Variants in ALG11 observed in about 807,000 individuals in gnomAD.
The protein encoded by ALG11 is GDP-Man:Man(3)GlcNAc(2)-PP-Dol alpha-1,2-mannosyltransferase.
ALG11 carries 26 observed loss-of-function variants against 38.8 expected under a neutral mutation model. The ratio of observed to expected loss-of-function variants is 0.67; its 90% CI spans 0.49 to 0.93. The LOEUF is 0.93. ALG11 is among the 40% of genes least tolerant of loss of function. The probability of loss-of-function intolerance (pLI) is 0.00; values close to 1 mark genes in which losing one functional copy is unlikely to be tolerated. For synonymous variants in ALG11, 199 were observed against 211.6 expected (o/e 0.94, Z 0.52); for missense variants, 535 against 578.8 (o/e 0.92, Z 0.78).
rs776312269 is a variant in ALG11 at position 52,024,383 on chromosome 13, A to G, written c.653A>G (p.Asn218Ser). The G allele has an allele frequency of 6.2e-7, 1 of 1,613,800 alleles. No individual in the cohort carries two copies. Among genetic ancestry groups the G allele is most frequent in the African/African-American group, 1.3e-5 (1 of 74,932 alleles). The change falls in exon 3 of 4, where the codon AAT becomes AGT. Residue 218 changes from asparagine (N) to serine (S), a missense_variant. By Grantham distance (46) the Asn-to-Ser change is conservative. Transcript: ENST00000521508. The stretch of plus-strand genomic sequence containing the variant: ...GTGAAGAATCAAAATATTGGATTTA[A>G]TAATGCAGCCTTCATTACCAGGAAT... ...SVVKNQNIGFNNAAFITRNPF... is the reference protein window; with the variant it reads ...SVVKNQNIGFSNAAFITRNPF...
chr13:52,028,094 T>TAAAAAA (rs142915895), intron 3 of ALG11, among the ~76,000 whole-genome samples: 1 of 144,240 alleles, frequency 6.9e-6, no homozygotes. Context: ...CCCTATCTCT[T>TAAAAAA]AAAAAAAAAA....
At chr13:52,015,135 G>T (rs2140828290) in intron 1 of ALG11, among the ~76,000 whole-genome samples, 1 of 152,354 alleles carries the variant, frequency 6.6e-6, no homozygotes, top group East Asian at 1.9e-4. Context: ...AGGTGCAGCA[G>T]CTCATGCCTG....
At chr13:52,028,267 T>C (rs945624677) in intron 3 of ALG11, 52 bp from the exon 4 acceptor site, 4 of 1,609,690 alleles carry the variant, frequency 2.5e-6, no homozygotes, top group Non-Finnish European at 2.6e-6. Flanking sequence ...CTCATTCTTA[T>C]GAACACACTC....
rs974583940 is a variant in ALG11 at position 52,030,409 on chromosome 13, G to A, written c.*1819G>A. On this transcript the variant is annotated 3_prime_UTR_variant, in exon 4 of 4. Transcript: ENST00000521508. ...CCAGACCTGTGTTAGAAGGACAGCA[G>A]TCAGAGAGGACCCCAAATAATCGGC... is the stretch of plus-strand genomic sequence containing the variant. 9 of 1,614,134 alleles carry A rather than the reference G, an allele frequency of 5.6e-6. No individual in the cohort carries two copies. In the African/African-American group the frequency reaches 6.7e-5, roughly 12 times the overall value.
At position 52,032,793 on chromosome 13, in the gene ALG11, T is replaced by C. The variant is rs1425610639; in HGVS notation, c.*4203T>C. On this transcript the variant is annotated 3_prime_UTR_variant, in exon 4 of 4. Coordinates refer to ENST00000521508, the MANE Select transcript of ALG11 (RefSeq NM_001004127.3). Reference sequence around the variant, plus strand: ...CCTACAGATTAGCCCAGTTCTCTCTTATTTTCAGCTTTACAGACAAGAACA... The same window carrying C: ...CCTACAGATTAGCCCAGTTCTCTCTCATTTTCAGCTTTACAGACAAGAACA... The C allele has an allele frequency of 1.2e-5, 2 of 167,046 alleles. No individual in the cohort carries two copies. Among genetic ancestry groups the C allele is most frequent in the Admixed American group, 1.3e-4 (2 of 15,284 alleles). The allele number at this position is 167,046 out of a possible 1,614,324, so 10.3% of individuals were successfully genotyped here. A position where few individuals can be genotyped will look rare whatever the true frequency, so the allele number is the denominator to read the frequency against.
chr13:52,012,863 C>G (rs570162649), intron 1 of ALG11, among the ~76,000 whole-genome samples: 3 of 152,266 alleles, frequency 2.0e-5, no homozygotes, highest in Non-Finnish European at 4.4e-5. Flanking sequence ...GATCTTCCTT[C>G]TCATCTTAGT....
Position 52,029,415 on chromosome 13 carries a change from C to T in ALG11, c.*825C>T, listed in dbSNP as rs1424563806. The T allele has an allele frequency of 6.2e-7, 1 of 1,614,156 alleles. No individual in the cohort carries two copies. Among genetic ancestry groups the T allele is most frequent in the Non-Finnish European group, 8.5e-7 (1 of 1,180,036 alleles). On this transcript the variant is annotated 3_prime_UTR_variant, in exon 4 of 4. Coordinates refer to ENST00000521508, the MANE Select transcript of ALG11 (RefSeq NM_001004127.3). Reference sequence around the variant, plus strand: ...CAGCCAGTGACAGATCCTTTACTGACTCCCATGGAAAAGGCCTCTCTCCAA... The same window carrying T: ...CAGCCAGTGACAGATCCTTTACTGATTCCCATGGAAAAGGCCTCTCTCCAA...
At chr13:52,019,366 T>C (rs916675971) in intron 2 of ALG11, among the ~76,000 whole-genome samples, 13 of 151,680 alleles carry the variant, frequency 8.6e-5, no homozygotes, top group African/African-American at 2.2e-4. Flanking sequence ...GGACTACAGG[T>C]GCCCGCCACC....
chr13:52,028,976 C>T lies in ALG11; in HGVS notation c.*386C>T, dbSNP rs184583544. On this transcript the variant is annotated 3_prime_UTR_variant, in exon 4 of 4. Transcript: ENST00000521508. ...CATTTCCCTTGATGGAAAGAATAGG[C>T]GGAAATTGGCTGAGAGGTCTGAGGC... 4.9e-5 allele frequency: 79 copies of T among 1,614,172 alleles called. No homozygotes were observed. The East Asian group carries it at 8.2e-4, about 17-fold the overall frequency.
At chr13:52,015,603 C>T (rs758754928) in intron 1 of ALG11, among the ~76,000 whole-genome samples, 3 of 151,956 alleles carry the variant, frequency 2.0e-5, no homozygotes, top group Admixed American at 6.5e-5. Context: ...ATGCTATTCT[C>T]GTGATAGTGA....
At chr13:52,018,368 A>G (rs902506644) in intron 1 of ALG11, among the ~76,000 whole-genome samples, 3 of 152,224 alleles carry the variant, frequency 2.0e-5, no homozygotes, top group Non-Finnish European at 4.4e-5. Context: ...TAGATCATGT[A>G]AATAGAGCAA....
At position 52,028,367 on chromosome 13, in the gene ALG11, CGGG is replaced by C; in HGVS notation, c.1260_1262del (p.Gly421del). ...GGCACAATTATCCTTGCACACAATTCGGGGGGCCCAAAGCTTGACATTGTGGTT... is the reference window on the plus strand; with the variant it reads ...GGCACAATTATCCTTGCACACAATTCGGGCCCAAAGCTTGACATTGTGGTT... On this transcript the variant is annotated inframe_deletion, in exon 4 of 4. Transcript: ENST00000521508. The C allele has an allele frequency of 6.2e-7, 1 of 1,614,002 alleles. No homozygotes were observed. The highest frequency in any genetic ancestry group is 8.5e-7 in the Non-Finnish European group (1 of 1,179,996).
rs753796733 is a variant in ALG11, at chr13:52,029,989, A to G, written c.*1399A>G. On this transcript the variant is annotated 3_prime_UTR_variant, in exon 4 of 4. Coordinates refer to ENST00000521508, the MANE Select transcript of ALG11 (RefSeq NM_001004127.3). ...CACAGGAGGACCCTGAGCAAGTGCC[A>G]GAGCTTGCAGCTCATGAGGTTTCTG... 6.2e-7 allele frequency: 1 copy of G among 1,614,276 alleles called. No individual in the cohort carries two copies. Among genetic ancestry groups the G allele is most frequent in the South Asian group, 1.1e-5 (1 of 91,090 alleles).
chr13:52,023,837 C>T, intron 2 of ALG11, 169 bp from the exon 3 acceptor site: 1 of 457,090 alleles, frequency 2.2e-6, no homozygotes, highest in Non-Finnish European at 3.9e-6. Context: ...CTCTGTCACC[C>T]AGGCTGGAGT....
Position 52,029,305 on chromosome 13 carries a change from T to A in ALG11, c.*715T>A. ...CCCTGGGGAAGGAGCAGCCAGCCAT[T>A]GCTCCCATTGAACATGCGCTCAGTG... On this transcript the variant is annotated 3_prime_UTR_variant, in exon 4 of 4. Transcript: ENST00000521508. 1.9e-6 allele frequency: 3 copies of A among 1,614,148 alleles called. No homozygotes were observed. Among genetic ancestry groups the A allele is most frequent in the Non-Finnish European group, 2.5e-6 (3 of 1,180,018 alleles).
At position 52,028,601 on chromosome 13, in the gene ALG11, G is replaced by A. The variant is rs113185351; in HGVS notation, c.*11G>A. ...AAGTTATTTAAGTAATGCCATATCT[G>A]TAAAATTAAAGATATTTTATATAAA... is the stretch of plus-strand genomic sequence containing the variant. On this transcript the variant is annotated 3_prime_UTR_variant, in exon 4 of 4. Transcript: ENST00000521508. 21 of 1,608,454 alleles carry A rather than the reference G, an allele frequency of 1.3e-5. No homozygotes were observed. The African/African-American group carries it at 1.5e-4, about 11-fold the overall frequency.
rs1164004824 is a variant in ALG11 at position 52,018,907 on chromosome 13, T to C, written c.45-6T>C. On this transcript the variant is annotated splice_polypyrimidine_tract_variant and splice_region_variant and intron_variant, in intron 1 of 3. Coordinates refer to ENST00000521508, the MANE Select transcript of ALG11 (RefSeq NM_001004127.3). ...ATTGATTCTCAACTTTGTCCTCTTA[T>C]TTCAGGTTTTTTTATTCATTATTCT... 6.2e-7 allele frequency: 1 copy of C among 1,612,458 alleles called. No homozygotes were observed. Among genetic ancestry groups the C allele is most frequent in the Non-Finnish European group, 8.5e-7 (1 of 1,178,676 alleles).
In ALG11 at chr13:52,031,293, C is replaced by A; in HGVS notation, c.*2703C>A. On this transcript the variant is annotated 3_prime_UTR_variant, in exon 4 of 4. Coordinates refer to ENST00000521508, the MANE Select transcript of ALG11 (RefSeq NM_001004127.3). ...TTTTAGAATTGATCAGACATTAGAA[C>A]ACAGAAAAATTCTAGTACATTTAAA... is the stretch of plus-strand genomic sequence containing the variant. 1 of 868,868 alleles carries A rather than the reference C, an allele frequency of 1.2e-6. No homozygotes were observed. The highest frequency in any genetic ancestry group is 1.7e-6 in the Non-Finnish European group (1 of 585,192). The allele number at this position is 868,868 out of a possible 1,614,324, so 53.8% of individuals were successfully genotyped here.
chr13:52,024,421 A>G lies in ALG11; in HGVS notation c.691A>G (p.Lys231Glu). ...AFITRNPFLS[K>E]VKLIYYYLFA... ...CATTACCAGGAATCCTTTTCTCAGC[A>G]AAGTAAAGCTCATCTACTACTATTT... Residue 231 changes from lysine (K) to glutamate (E), a missense_variant, in exon 3 of 4, where the codon AAA (lysine) becomes GAA (glutamate). Physicochemically the swap from Lys to Glu is moderately conservative, Grantham distance 56. Transcript: ENST00000521508. 1 of 1,613,580 alleles carries G rather than the reference A, an allele frequency of 6.2e-7. No individual in the cohort carries two copies. Among genetic ancestry groups the G allele is most frequent in the Non-Finnish European group, 8.5e-7 (1 of 1,179,664 alleles).
Sources: gnomAD v4.1 joint callset for allele counts (sites outside exome capture counted in the v4.1 genomes callset) on GRCh38, gnomAD v4.1.1 for gene constraint, MANE v1.5 for transcripts, NCBI Gene and HGNC (gene_info 2026-07-23, HGNC 2026-07-21) for gene names.